The following SLCO3A1 variants were observed in gnomAD, a reference collection of about 807,000 sequenced individuals.
SLCO3A1 encodes PGE1 transporter.
SLCO3A1 carries 27 observed loss-of-function variants against 63.1 expected under a neutral mutation model. The observed-to-expected ratio is 0.43, with a 90% CI of 0.32 to 0.59. The LOEUF is 0.59. Ranked by LOEUF, SLCO3A1 falls within the 20% of genes least tolerant of loss-of-function variation. SLCO3A1 has a pLI of 0.09. For missense variants in SLCO3A1, 773 were observed against 945.8 expected (o/e 0.82, Z 2.40); for synonymous variants, 473 against 409.9 (o/e 1.15, Z -1.86).
At chr15:91,932,174 GT>G (rs1431107014) in intron 2 of SLCO3A1, among the ~76,000 whole-genome samples, 1 of 152,108 alleles carries the variant, frequency 6.6e-6, no homozygotes, top group East Asian at 1.9e-4. Flanking sequence ...CTTGTGCAAA[GT>G]CATACCTCCT....
chr15:91,880,191 A>G (rs1444754241), intron 1 of SLCO3A1, among the ~76,000 whole-genome samples: 2 of 151,690 alleles, frequency 1.3e-5, no homozygotes, highest in East Asian at 1.9e-4. Context: ...CTATCTATCT[A>G]TCTATCATCC....
rs1431924203 is a variant in SLCO3A1, at chr15:92,164,387, G to A, written c.*1252G>A. 1 of 985,396 alleles carries A rather than the reference G, an allele frequency of 1.0e-6. No homozygotes were observed. Among genetic ancestry groups the A allele is most frequent in the Non-Finnish European group, 1.2e-6 (1 of 829,902 alleles). The allele number at this position is 985,396 out of a possible 1,614,324, so 61.0% of individuals were successfully genotyped here. ...AAGAATCACATTTGAGACAACAGGG[G>A]ATAATGTGATGAATTGCAAATTTGC... is the stretch of plus-strand genomic sequence containing the variant. On this transcript the variant is annotated 3_prime_UTR_variant, in exon 10 of 10. Transcript: ENST00000318445.
chr15:92,130,981 A>G (rs926432559), intron 7 of SLCO3A1, among the ~76,000 whole-genome samples: 5 of 151,302 alleles, frequency 3.3e-5, no homozygotes, highest in Admixed American at 6.6e-5. Flanking sequence ...ACCTTCCCCA[A>G]TGTGAGTTCA....
At chr15:92,076,159 A>G (rs771483934) in intron 2 of SLCO3A1, among the ~76,000 whole-genome samples, 55 of 152,180 alleles carry the variant, frequency 3.6e-4, no homozygotes, top group Non-Finnish European at 7.1e-4. Flanking sequence ...TCAGGGTGAA[A>G]TTTGCATTTG....
At chr15:91,878,734 A>C (rs991325634) in intron 1 of SLCO3A1, among the ~76,000 whole-genome samples, 1 of 152,144 alleles carries the variant, frequency 6.6e-6, no homozygotes, top group Non-Finnish European at 1.5e-5. Flanking sequence ...TGCCCAGAAA[A>C]ATTTTCATTC....
At chr15:92,069,428 G>A (rs1241095893) in intron 2 of SLCO3A1, among the ~76,000 whole-genome samples, 3 of 152,184 alleles carry the variant, frequency 2.0e-5, no homozygotes, top group African/African-American at 2.4e-5. Context: ...TCACTGAAAG[G>A]TCATGCCCTT....
chr15:92,010,755 C>A (rs1476957356), intron 2 of SLCO3A1, among the ~76,000 whole-genome samples: 1 of 152,146 alleles, frequency 6.6e-6, no homozygotes, highest in Non-Finnish European at 1.5e-5. Context: ...GCATGAAGCC[C>A]CAAGCCCAGT....
intron 2 of SLCO3A1, among the ~76,000 whole-genome samples, chr15:91,973,005 C>T (rs1394727822): frequency 6.6e-6 from 1 of 152,186 alleles, no homozygotes; most frequent in East Asian, 1.9e-4. Context: ...CTTGTAGTCC[C>T]AGCTACTAGG....
At chr15:91,908,413 A>G (rs1054661107) in intron 1 of SLCO3A1, 3 of 152,150 alleles carry the variant, frequency 2.0e-5, no homozygotes, top group Admixed American at 1.3e-4. Context: ...TCTTTTCCCT[A>G]GTCAGCACAT....
chr15:91,987,096 CGCTT>C (rs1347142807), intron 2 of SLCO3A1, among the ~76,000 whole-genome samples: 1 of 152,052 alleles, frequency 6.6e-6, no homozygotes, highest in African/African-American at 2.4e-5. Flanking sequence ...TGCTTTTTAT[CGCTT>C]ACAGATTTGA....
chr15:92,021,022 A>ATACC, intron 2 of SLCO3A1, among the ~76,000 whole-genome samples: 1 of 152,338 alleles, frequency 6.6e-6, no homozygotes, highest in Middle Eastern at 3.4e-3. Context: ...GCTGATAATA[A>ATACC]TACCTACCTC....
intron 1 of SLCO3A1, among the ~76,000 whole-genome samples, chr15:91,891,036 C>T (rs1015339917): frequency 2.6e-5 from 4 of 151,744 alleles, no homozygotes; most frequent in Non-Finnish European, 4.4e-5. Context: ...AGAGAGAAAC[C>T]GAGTCAAATA....
rs1567037825 is a variant in SLCO3A1, at chr15:91,957,141, A to AG, written c.646+40683_646+40684insG. 9.9e-3 allele frequency among the ~76,000 whole-genome samples: 84 copies of AG among 8,462 alleles called. 20 individuals are homozygous for AG. Among genetic ancestry groups the AG allele is most frequent in the African/African-American group, 0.077 (62 of 810 alleles). The allele number at this position is 8,462 out of a possible 152,430, so 5.6% of individuals were successfully genotyped here. A position where few individuals can be genotyped will look rare whatever the true frequency, so the allele number is the denominator to read the frequency against. ...AATATATATAATATATATACTATAT[A>AG]TTATAATATATATATATATTTTTTT... is the stretch of plus-strand genomic sequence containing the variant. On this transcript the variant is annotated intron_variant, in intron 2 of 9. Transcript: ENST00000318445.
chr15:92,068,729 C>T (rs2047180516), intron 2 of SLCO3A1, among the ~76,000 whole-genome samples: 1 of 152,192 alleles, frequency 6.6e-6, no homozygotes, highest in African/African-American at 2.4e-5. Context: ...ATGGTGTTAA[C>T]AGCCTCATCC....
intron 2 of SLCO3A1, among the ~76,000 whole-genome samples, chr15:92,061,414 T>A (rs950945229): frequency 6.6e-6 from 1 of 152,174 alleles, no homozygotes; most frequent in African/African-American, 2.4e-5. Flanking sequence ...GCAGAAGAGA[T>A]CTTCTCTCCA....
intron 1 of SLCO3A1, among the ~76,000 whole-genome samples, chr15:91,855,512 C>T (rs1896895194): frequency 6.6e-6 from 1 of 152,164 alleles, no homozygotes; most frequent in South Asian, 2.1e-4. Flanking sequence ...TTGTAGACTG[C>T]AAGTGAACCC....
At chr15:91,906,575 A>G (rs920485914) in intron 1 of SLCO3A1, among the ~76,000 whole-genome samples, 2 of 152,236 alleles carry the variant, frequency 1.3e-5, no homozygotes, top group Non-Finnish European at 2.9e-5. Context: ...GCATAAATCA[A>G]ATGAGGGCCT....
In SLCO3A1 at chr15:91,950,777, G is replaced by C. The variant is rs1437948117; in HGVS notation, c.646+34319G>C. ...TGTGTTGTTGAAAGTCTTTGGCAATGCTTAATTTTATGGTATGTGCAATGC... is the reference window on the plus strand; with the variant it reads ...TGTGTTGTTGAAAGTCTTTGGCAATCCTTAATTTTATGGTATGTGCAATGC... On this transcript the variant is annotated intron_variant, in intron 2 of 9. Transcript: ENST00000318445. This position sits in a 1 kb window ranked among gnomAD's most constrained non-coding sequence, Gnocchi z 4.4. 6.6e-6 allele frequency among the ~76,000 whole-genome samples: 1 copy of C among 152,144 alleles called. No individual in the cohort carries two copies. The highest frequency in any genetic ancestry group is 1.5e-5 in the Non-Finnish European group (1 of 68,034).
At chr15:92,170,723 A>G (rs1347172594), downstream of SLCO3A1, 1 of 152,248 alleles carries the variant, frequency 6.6e-6, no homozygotes, top group East Asian at 1.9e-4. Flanking sequence ...AGTTTTGCCT[A>G]TGGGCACAGG....
Sources: gnomAD v4.1 joint callset for allele counts (sites outside exome capture counted in the v4.1 genomes callset) on GRCh38, gnomAD v4.1.1 for gene constraint, Gnocchi (gnomAD v3.1) non-coding constraint, MANE v1.5 for transcripts, NCBI Gene and HGNC (gene_info 2026-07-23, HGNC 2026-07-21) for gene names.